The following CRTAC1 variants were observed in gnomAD, a reference collection of about 807,000 sequenced individuals.
CRTAC1 encodes cartilage acidic protein 1, also known as acidic secreted protein in cartilage.
A neutral mutation model predicts 67.8 loss-of-function variants in CRTAC1; 37 were observed. That is an observed-to-expected ratio of 0.55 (90% CI 0.42 to 0.72). The LOEUF (loss-of-function observed/expected upper bound fraction) is 0.72. CRTAC1 is among the 30% of genes least tolerant of loss of function. CRTAC1 has a pLI of 0.00. For synonymous variants in CRTAC1, 348 were observed against 371.0 expected (o/e 0.94, Z 0.71); for missense variants, 780 against 931.6 (o/e 0.84, Z 2.12).
At chr10:97,952,704 A>T (rs1358056790) in intron 2 of CRTAC1, among the ~76,000 whole-genome samples, 1 of 152,094 alleles carries the variant, frequency 6.6e-6, no homozygotes, top group Non-Finnish European at 1.5e-5. Context: ...TTCCAATCTC[A>T]TCAGGATCCA....
chr10:98,025,837 A>G (rs1347130770), intron 1 of CRTAC1, among the ~76,000 whole-genome samples: 1 of 152,228 alleles, frequency 6.6e-6, no homozygotes, highest in Non-Finnish European at 1.5e-5. Flanking sequence ...AGGAATCAAT[A>G]GCTCAGGGCC....
chr10:97,947,796 G>A (rs2051287615), intron 2 of CRTAC1, among the ~76,000 whole-genome samples: 1 of 152,160 alleles, frequency 6.6e-6, no homozygotes, highest in African/African-American at 2.4e-5. Flanking sequence ...GCTCATGCCT[G>A]TAATCTAACA....
At chr10:97,943,633 T>C (rs774235647) in intron 2 of CRTAC1, among the ~76,000 whole-genome samples, 2 of 152,254 alleles carry the variant, frequency 1.3e-5, no homozygotes, top group Non-Finnish European at 2.9e-5. Flanking sequence ...AGCTGGTCAT[T>C]AGATAAAATA....
At chr10:97,935,865 A>G (rs2051077902) in intron 3 of CRTAC1, among the ~76,000 whole-genome samples, 1 of 151,982 alleles carries the variant, frequency 6.6e-6, no homozygotes, top group African/African-American at 2.4e-5. Context: ...AGAGGAGAGG[A>G]GGGGTCAGGA....
At chr10:97,917,784 A>G (rs1048211734) in intron 4 of CRTAC1, 128 bp from the exon 5 acceptor site, 8 of 637,308 alleles carry the variant, frequency 1.3e-5, no homozygotes, top group Non-Finnish European at 1.9e-5. Flanking sequence ...GGTCTGTTGC[A>G]AATGGCCTTG....
intron 2 of CRTAC1, among the ~76,000 whole-genome samples, chr10:97,957,942 C>T (rs1267420674): frequency 6.6e-6 from 1 of 152,090 alleles, no homozygotes; most frequent in Non-Finnish European, 1.5e-5. Context: ...GGGAGATCCT[C>T]CTCCACCCAA....
chr10:97,969,913 A>G (rs1359624126), intron 2 of CRTAC1, among the ~76,000 whole-genome samples: 2 of 152,032 alleles, frequency 1.3e-5, no homozygotes, highest in African/African-American at 4.8e-5. Flanking sequence ...CAACTCTCAA[A>G]TTTATATCTC....
intron 2 of CRTAC1, among the ~76,000 whole-genome samples, chr10:97,943,026 C>T (rs2051201438): frequency 1.3e-5 from 2 of 151,736 alleles, no homozygotes; most frequent in African/African-American, 4.8e-5. Flanking sequence ...GAGCTGTGAT[C>T]ATGCCACTGC....
At chr10:98,005,100 A>ATTTTTTTTTTTTTTTTTTTTTTTTTTT (rs10683960) in intron 2 of CRTAC1, among the ~76,000 whole-genome samples, 1 of 48,926 alleles carries the variant, frequency 2.0e-5, no homozygotes, top group African/African-American at 1.2e-4. Context: ...ATATATATAT[A>ATTTTTTTTTTTTTTTTTTTTTTTTTTT]TTTTTTTTTT....
At chr10:97,965,735 G>C (rs2051604420) in intron 2 of CRTAC1, among the ~76,000 whole-genome samples, 2 of 152,152 alleles carry the variant, frequency 1.3e-5, no homozygotes, top group South Asian at 4.1e-4. Context: ...ATGAACTGAA[G>C]GAAGTGACAG....
chr10:98,002,770 T>G (rs1842716158), intron 2 of CRTAC1, among the ~76,000 whole-genome samples: 1 of 92,018 alleles, frequency 1.1e-5, no homozygotes, highest in South Asian at 4.1e-4. Flanking sequence ...ACTTTTTTTT[T>G]TTTTTTTTTT....
chr10:98,017,021 A>T (rs1238542621), intron 1 of CRTAC1, among the ~76,000 whole-genome samples: 6 of 152,162 alleles, frequency 3.9e-5, no homozygotes, highest in Admixed American at 2.6e-4. Context: ...GAACATCTGA[A>T]TCCTTGGGGA....
In CRTAC1 at chr10:98,029,577, T is replaced by C. The variant is rs535415119; in HGVS notation, c.24+872A>G. Among the ~76,000 whole-genome samples, 223 of 151,150 alleles carry C rather than the reference T, an allele frequency of 1.5e-3. 1 individual carries two copies. The highest frequency in any genetic ancestry group is 6.8e-3 in the Middle Eastern group (2 of 294). ...CATTCCTGGAGGAAGCCCCCCCAGC[T>C]CTCAACCCTAGGAGAATTTCCCCGC... On this transcript the variant is annotated intron_variant, in intron 1 of 14. Transcript: ENST00000370597. The surrounding 1 kb of genome is among the most constrained non-coding windows in gnomAD (Gnocchi z 4.7).
intron 2 of CRTAC1, among the ~76,000 whole-genome samples, chr10:97,986,908 C>A (rs982681883): frequency 6.6e-6 from 1 of 152,172 alleles, no homozygotes; most frequent in Admixed American, 6.5e-5. Flanking sequence ...AGTAGCATCT[C>A]CTTCGTAAAT....
At chr10:98,023,215 C>T (rs570819590) in intron 1 of CRTAC1, among the ~76,000 whole-genome samples, 41 of 152,292 alleles carry the variant, frequency 2.7e-4, no homozygotes, top group South Asian at 1.0e-3. Context: ...CAGAGCCAGC[C>T]ACCATCTCAT....
Position 97,882,986 on chromosome 10 carries a change from T to C in CRTAC1, c.1633-158A>G, listed in dbSNP as rs141001868. On this transcript the variant is annotated intron_variant, in intron 12 of 14. Coordinates refer to ENST00000370597, the MANE Select transcript of CRTAC1 (RefSeq NM_018058.7). ...GGGAGCCCCCTCCCTTGTAAGACCCTTCCTTTGCGCTGAGAACAGAAGGCT... is the reference window on the plus strand; with the variant it reads ...GGGAGCCCCCTCCCTTGTAAGACCCCTCCTTTGCGCTGAGAACAGAAGGCT... Among the ~76,000 whole-genome samples the C allele has an allele frequency of 1.6e-3, 247 of 152,348 alleles. 5 individuals carry two copies. In the East Asian group the frequency reaches 0.022, roughly 14 times the overall value.
chr10:97,885,552 G>A (rs183067949), intron 11 of CRTAC1, among the ~76,000 whole-genome samples: 18 of 152,328 alleles, frequency 1.2e-4, no homozygotes, highest in Admixed American at 9.8e-4. Context: ...TTTGTCAGAT[G>A]TTTAGGCACT....
At chr10:97,886,979 A>T (rs1043580025) in intron 11 of CRTAC1, among the ~76,000 whole-genome samples, 4 of 151,562 alleles carry the variant, frequency 2.6e-5, no homozygotes, top group Non-Finnish European at 4.4e-5. Flanking sequence ...TTTGAAGTAG[A>T]ATCTTGAGGC....
chr10:97,881,392 C>T (rs1165628785), intron 13 of CRTAC1, among the ~76,000 whole-genome samples: 2 of 152,220 alleles, frequency 1.3e-5, no homozygotes, highest in Non-Finnish European at 2.9e-5. Context: ...CGAGGCCCTC[C>T]CTGACCACTC....
Sources: gnomAD v4.1 joint callset for allele counts (sites outside exome capture counted in the v4.1 genomes callset) on GRCh38, gnomAD v4.1.1 for gene constraint, Gnocchi (gnomAD v3.1) non-coding constraint, MANE v1.5 for transcripts, NCBI Gene and HGNC (gene_info 2026-07-23, HGNC 2026-07-21) for gene names.